The following RNF103 variants were observed in gnomAD, a reference collection of about 807,000 sequenced individuals.
RNF103 encodes the protein E3 ubiquitin-protein ligase RNF103.
RNF103 carries 23 observed loss-of-function variants against 66.2 expected under a neutral mutation model. The ratio of observed to expected loss-of-function variants is 0.35; its 90% CI spans 0.25 to 0.49. The LOEUF is 0.49. Ranked by LOEUF, RNF103 falls within the 20% of genes least tolerant of loss-of-function variation. The pLI, the probability that RNF103 is intolerant of heterozygous loss-of-function variation, is 0.98. For missense variants in RNF103, 730 were observed against 814.7 expected (o/e 0.90, Z 1.27); for synonymous variants, 297 against 289.9 (o/e 1.02, Z -0.25).
rs1330450452 is a variant in RNF103, at chr2:86,604,994, T to G, written c.907A>C (p.Thr303Pro). ...GCCTGAAGGGATATAAATTCGCCTG[T>G]GTGGTTTCCATACCTGTAAATTCCT... ...PEGIYRYGNH[T>P]GEFISLQAMD... is the part of the protein sequence containing the mutation. The change falls in exon 4 of 4, where the codon ACA (threonine) becomes CCA (proline). Residue 303 changes from threonine to proline, a missense_variant. Transcript: ENST00000237455. 1 of 1,614,134 alleles carries G rather than the reference T, an allele frequency of 6.2e-7. No individual in the cohort carries two copies. Among genetic ancestry groups the G allele is most frequent in the Admixed American group, 1.7e-5 (1 of 60,010 alleles).
rs758946477 is a variant in RNF103, at chr2:86,603,891, C to T, written c.2010G>A (p.Lys670=). ...PVCRWPSYKK[K]QPYAQHQPLS... is the part of the protein sequence containing the mutation. ...AGGGCTGGTGTTGTGCATATGGCTGCTTTTTTTTATAAGAAGGCCACCGGC... is the reference window on the plus strand; with the variant it reads ...AGGGCTGGTGTTGTGCATATGGCTGTTTTTTTTTATAAGAAGGCCACCGGC... The change falls in exon 4 of 4, where the codon AAG becomes AAA. Residue 670 remains lysine (K), a synonymous_variant. Transcript: ENST00000237455. 7 of 1,613,306 alleles carry T rather than the reference C, an allele frequency of 4.3e-6. No individual in the cohort carries two copies. The highest frequency in any genetic ancestry group is 5.9e-6 in the Non-Finnish European group (7 of 1,179,866).
chr2:86,616,046 C>T (rs538361281), intron 2 of RNF103, among the ~76,000 whole-genome samples: 11 of 152,298 alleles, frequency 7.2e-5, no homozygotes, highest in African/African-American at 2.2e-4. Flanking sequence ...GCAACCTGTA[C>T]CAAGATGTTT....
At chr2:86,613,325 T>A (rs1558685939) in intron 2 of RNF103, 1 of 152,124 alleles carries the variant, frequency 6.6e-6, no homozygotes, top group Non-Finnish European at 1.5e-5. Flanking sequence ...CTTTATCTCC[T>A]AATCTTCCTG....
chr2:86,623,189 G>C lies in RNF103; in HGVS notation c.-303C>G, dbSNP rs1679301176. 2.9e-6 allele frequency: 3 copies of C among 1,044,492 alleles called. No homozygotes were observed. The highest frequency in any genetic ancestry group is 1.6e-4 in the East Asian group (2 of 12,274). The allele number at this position is 1,044,492 out of a possible 1,614,324, so 64.7% of individuals were successfully genotyped here. A position where few individuals can be genotyped will look rare whatever the true frequency, so the allele number is the denominator to read the frequency against. Reference sequence around the variant, plus strand: ...ATCCATTAAGCACAGAAAGGAGAGGGGCGCGGGGAGAGCTCGCGGGGAAGA... The same window carrying C: ...ATCCATTAAGCACAGAAAGGAGAGGCGCGCGGGGAGAGCTCGCGGGGAAGA... On this transcript the variant is annotated 5_prime_UTR_variant, in exon 1 of 4. Coordinates refer to ENST00000237455, the MANE Select transcript of RNF103 (RefSeq NM_005667.4).
chr2:86,617,101 T>C (rs1453513879), intron 2 of RNF103: 10 of 984,982 alleles, frequency 1.0e-5, no homozygotes, highest in African/African-American at 3.5e-5. Context: ...ATGTATTTCA[T>C]AGTGTGTCAT....
chr2:86,616,950 T>A (rs1338787836), intron 2 of RNF103: 2 of 985,342 alleles, frequency 2.0e-6, no homozygotes, highest in Non-Finnish European at 2.4e-6. Flanking sequence ...CCATCTTCTA[T>A]TTGTAATGCT....
chr2:86,622,593 G>C lies in RNF103; in HGVS notation c.226+68C>G, dbSNP rs1273735255. 8 of 1,480,308 alleles carry C rather than the reference G, an allele frequency of 5.4e-6. No homozygotes were observed. In the East Asian group the frequency reaches 1.8e-4, roughly 33 times the overall value. 91.7% of individuals were successfully genotyped at this position (1,480,308 alleles called of 1,614,324 possible). On this transcript the variant is annotated intron_variant, in intron 1 of 3. Coordinates refer to ENST00000237455, the MANE Select transcript of RNF103 (RefSeq NM_005667.4). ...AGGCCTCACTCTGGGGGAACAGCCA[G>C]GTACCAGGAGGTACAGGTCGTCCCC...
chr2:86,612,555 C>A, intron 2 of RNF103: 1 of 236,478 alleles, frequency 4.2e-6, no homozygotes, highest in Non-Finnish European at 8.1e-6. Flanking sequence ...TAGCCACATT[C>A]TCCACCATGT....
In RNF103 at chr2:86,605,138, T is replaced by G; in HGVS notation, c.763A>C (p.Ile255Leu). The G allele has an allele frequency of 6.2e-7, 1 of 1,613,894 alleles. No individual in the cohort carries two copies. The highest frequency in any genetic ancestry group is 8.5e-7 in the Non-Finnish European group (1 of 1,180,022). The part of the protein sequence containing the change: ...QPPAFFSALS[I>L]KFTGRVEFIF... Reference sequence around the variant, plus strand: ...AACTCAACTCTTCCAGTAAACTTTATACTTAGTGCAGAGAAGAAAGCTGGG... The same window carrying G: ...AACTCAACTCTTCCAGTAAACTTTAGACTTAGTGCAGAGAAGAAAGCTGGG... Residue 255 changes from isoleucine (I) to leucine (L), a missense_variant, in exon 4 of 4, where the codon ATA (isoleucine) becomes CTA (leucine). Transcript: ENST00000237455.
chr2:86,614,251 C>T (rs1678922202), intron 2 of RNF103: 1 of 152,190 alleles, frequency 6.6e-6, no homozygotes, highest in Non-Finnish European at 1.5e-5. Flanking sequence ...CACACGTTTC[C>T]CTACCCAGTA....
intron 1 of RNF103, among the ~76,000 whole-genome samples, chr2:86,621,490 G>A (rs1679226124): frequency 6.6e-6 from 1 of 152,092 alleles, no homozygotes; most frequent in African/African-American, 2.4e-5. Context: ...AGCAAACAAG[G>A]GGCAAGAATA....
intron 3 of RNF103, among the ~76,000 whole-genome samples, chr2:86,611,474 G>GA (rs1212243054): frequency 6.6e-6 from 1 of 151,654 alleles, no homozygotes; most frequent in South Asian, 2.1e-4. Flanking sequence ...AAGAGAAATG[G>GA]AAAAAAAGGC....
At chr2:86,608,092 A>G (rs1013154915) in intron 3 of RNF103, among the ~76,000 whole-genome samples, 1 of 152,216 alleles carries the variant, frequency 6.6e-6, no homozygotes, top group Non-Finnish European at 1.5e-5. Context: ...TCTAGTTTTT[A>G]AACTAAACCT....
chr2:86,619,178 A>C (rs547610036), intron 2 of RNF103, among the ~76,000 whole-genome samples: 1 of 152,326 alleles, frequency 6.6e-6, no homozygotes, highest in South Asian at 2.1e-4. Flanking sequence ...ACCTATTTAC[A>C]ATCATACTGC....
rs1436510501 is a variant in RNF103, at chr2:86,623,679, T to A, written c.-793A>T. On this transcript the variant is annotated 5_prime_UTR_variant, in exon 1 of 4. Transcript: ENST00000237455. ...GGTCTCGGAGGGAAAAAACCAATAA[T>A]AGGCCCCGAGACTGCTCCTCCAGGC... 1 of 1,189,940 alleles carries A rather than the reference T, an allele frequency of 8.4e-7. No individual in the cohort carries two copies. The highest frequency in any genetic ancestry group is 1.7e-5 in the African/African-American group (1 of 59,512). The allele number at this position is 1,189,940 out of a possible 1,614,324, so 73.7% of individuals were successfully genotyped here. A position where few individuals can be genotyped will look rare whatever the true frequency, so the allele number is the denominator to read the frequency against.
At chr2:86,611,608 T>C (rs1277962136) in intron 3 of RNF103, among the ~76,000 whole-genome samples, 7 of 149,096 alleles carry the variant, frequency 4.7e-5, no homozygotes, top group Admixed American at 3.3e-4. Context: ...TTTGAGAAAA[T>C]GGGGGGGAAA....
Position 86,604,882 on chromosome 2 carries a change from A to T in RNF103, c.1019T>A (p.Met340Lys). The T allele has an allele frequency of 6.2e-7, 1 of 1,614,134 alleles. No individual in the cohort carries two copies. The highest frequency in any genetic ancestry group is 8.5e-7 in the Non-Finnish European group (1 of 1,180,024). Residue 340 changes from methionine (M) to lysine (K), a missense_variant, in exon 4 of 4, where the codon ATG becomes AAG. Around this residue, in one of 3 missense-constraint regions of RNF103, gnomAD observed 48 missense variants for 93.0 expected, o/e 0.52. Coordinates refer to ENST00000237455, the MANE Select transcript of RNF103 (RefSeq NM_005667.4). Reference protein sequence around the residue: ...SLVLVNLMAWMDLFITQGATI... With the variant: ...SLVLVNLMAWKDLFITQGATI... ...AGCTCCTTGTGTAATAAATAAGTCC[A>T]TCCAAGCCATAAGATTAACTAGAAC...
At chr2:86,621,427 G>C (rs1679222607) in intron 1 of RNF103, among the ~76,000 whole-genome samples, 1 of 152,128 alleles carries the variant, frequency 6.6e-6, no homozygotes, top group African/African-American at 2.4e-5. Context: ...TTTTACCCTA[G>C]TTACTCCACT....
chr2:86,614,419 T>A (rs913889837), intron 2 of RNF103: 1 of 152,074 alleles, frequency 6.6e-6, no homozygotes, highest in Non-Finnish European at 1.5e-5. Context: ...CTGGCCAACA[T>A]GGCGAAACCC....
Sources: allele counts gnomAD v4.1 joint callset (sites outside exome capture counted in the v4.1 genomes callset), GRCh38; gene constraint gnomAD v4.1.1; regional missense constraint gnomAD v4.1.1; transcripts MANE v1.5; gene names NCBI Gene and HGNC (gene_info 2026-07-23, HGNC 2026-07-21).